The following RP1L1 variants were observed in gnomAD, a reference collection of about 807,000 sequenced individuals.
RP1L1 encodes RP1 like 1, also known as retinitis pigmentosa 1-like 1 protein.
Under a neutral mutation model 15.7 loss-of-function variants are expected in RP1L1, and 27 were observed. The observed-to-expected ratio is 1.72, with a 90% CI of 1.27 to 2.38. The LOEUF is 2.38. Among genes scored for constraint, RP1L1 ranks in the 30% most tolerant of loss-of-function variants. The pLI is 0.00. For synonymous variants in RP1L1, 1,813 were observed against 1,276.7 expected, an observed-to-expected ratio of 1.42 and a Z score of -8.96; for missense variants, 4,798 against 3,075.9, an observed-to-expected ratio of 1.56 and a Z score of -13.24.
At chr8:10,620,971 A>T (rs2117221831) in intron 2 of RP1L1, 1 of 152,400 alleles carries the variant, frequency 6.6e-6, no homozygotes, top group Non-Finnish European at 1.5e-5. Context: ...ACAGAGGAAC[A>T]GGGAGTGGAG....
chr8:10,654,083 G>T (rs567727941), intron 1 of RP1L1, among the ~76,000 whole-genome samples: 1 of 152,166 alleles, frequency 6.6e-6, no homozygotes, highest in African/African-American at 2.4e-5. Context: ...AGCCGCGCTG[G>T]ACCTCGTCTG....
In RP1L1 at chr8:10,618,527, C is replaced by G. The variant is rs745532122; in HGVS notation, c.610-1940G>C. On this transcript the variant is annotated intron_variant, in intron 2 of 3. Transcript: ENST00000382483. ...ATCTCAAAAACAAAGAGCAAACAAA[C>G]AAACAAACAAAAAAATTAGCCAGGC... 1.3e-5 allele frequency among the ~76,000 whole-genome samples: 2 copies of G among 151,770 alleles called. 1 individual carries two copies. The highest frequency in any genetic ancestry group is 2.9e-5 in the Non-Finnish European group (2 of 67,954).
intron 1 of RP1L1, among the ~76,000 whole-genome samples, chr8:10,637,864 C>A (rs950509551): frequency 6.6e-6 from 1 of 152,124 alleles, no homozygotes; most frequent in African/African-American, 2.4e-5. Flanking sequence ...TGAAAGGAAA[C>A]ACAAACTCCA....
chr8:10,642,979 T>C (rs886237158), intron 1 of RP1L1, among the ~76,000 whole-genome samples: 2 of 152,188 alleles, frequency 1.3e-5, no homozygotes, highest in East Asian at 1.9e-4. Context: ...TAGCTGTGGA[T>C]GTTTTCCTAT....
chr8:10,617,513 T>C (rs1185929526), intron 2 of RP1L1, among the ~76,000 whole-genome samples: 2 of 149,650 alleles, frequency 1.3e-5, no homozygotes, highest in African/African-American at 4.9e-5. Flanking sequence ...ATTAGAAGTT[T>C]GTTTTTGTTT....
At chr8:10,652,976 A>C (rs1212613790) in intron 1 of RP1L1, among the ~76,000 whole-genome samples, 1 of 152,180 alleles carries the variant, frequency 6.6e-6, no homozygotes, top group Non-Finnish European at 1.5e-5. Flanking sequence ...CCAGTGCCTC[A>C]GGCCACTGTT....
chr8:10,631,437 A>C, intron 1 of RP1L1, among the ~76,000 whole-genome samples: 1 of 149,926 alleles, frequency 6.7e-6, no homozygotes, highest in South Asian at 2.1e-4. Context: ...GCGCGCACAC[A>C]CACGCACACA....
Position 10,610,197 on chromosome 8 carries a change from C to A in RP1L1, c.3901G>T (p.Val1301Leu), listed in dbSNP as rs1233511242. 6 of 1,605,526 alleles carry A rather than the reference C, an allele frequency of 3.7e-6. No homozygotes were observed. The highest frequency in any genetic ancestry group is 5.1e-6 in the Non-Finnish European group (6 of 1,176,418). ...QLAENTVQEEVQLEETKEGTE... is the reference protein window; with the variant it reads ...QLAENTVQEELQLEETKEGTE... ...CCTTCTTTAGTTTCCTCTAATTGCACCTCTTCTTGCACTGTGTTTTCAGCT... is the reference window on the plus strand; with the variant it reads ...CCTTCTTTAGTTTCCTCTAATTGCAACTCTTCTTGCACTGTGTTTTCAGCT... The change falls in exon 4 of 4, where the codon GTG becomes TTG. Residue 1301 changes from valine (V) to leucine (L), a missense_variant. Physicochemically the swap from Val to Leu is conservative, Grantham distance 32. Coordinates refer to ENST00000382483, the MANE Select transcript of RP1L1 (RefSeq NM_178857.6).
chr8:10,618,461 C>A (rs138055276), intron 2 of RP1L1, among the ~76,000 whole-genome samples: 1 of 152,128 alleles, frequency 6.6e-6, no homozygotes, highest in African/African-American at 2.4e-5. Context: ...GAGCTAAGAT[C>A]GTGCCACTGC....
intron 1 of RP1L1, among the ~76,000 whole-genome samples, chr8:10,644,011 C>G (rs1391801954): frequency 1.3e-5 from 2 of 151,930 alleles, no homozygotes; most frequent in Non-Finnish European, 2.9e-5. Context: ...CTTCCCGCAC[C>G]TGTCAACAAG....
At chr8:10,621,115 G>A (rs1191816903) in intron 2 of RP1L1, 1 of 152,158 alleles carries the variant, frequency 6.6e-6, no homozygotes, top group Non-Finnish European at 1.5e-5. Flanking sequence ...CTTAACATAG[G>A]GTACTTTGAT....
In RP1L1 at chr8:10,612,692, G is replaced by A. The variant is rs200517659; in HGVS notation, c.1406C>T (p.Ser469Phe). 6.2e-7 allele frequency: 1 copy of A among 1,603,262 alleles called. No individual in the cohort carries two copies. The highest frequency in any genetic ancestry group is 8.5e-7 in the Non-Finnish European group (1 of 1,178,246). ...TGLPEGSEPE[S>F]SCCPRTPEDG... ...CTCCGGGGTCCTGGGGCAGCAGGAG[G>A]ACTCTGGCTCCGAGCCCTCGGGGAG... The change falls in exon 4 of 4, where the codon TCC becomes TTC. Residue 469 changes from serine (S) to phenylalanine (F), a missense_variant. Transcript: ENST00000382483.
rs370081975 is a variant in RP1L1, at chr8:10,612,442, G to A, written c.1656C>T (p.Pro552=). The part of the protein sequence containing the change: ...HEGSSEWGGR[P]QGCPGKARAE... ...CCCTTGCCTTGCCTGGACAGCCCTG[G>A]GGCCGCCCACCCCATTCGCTGGATC... Residue 552 remains proline (P), a synonymous_variant, in exon 4 of 4, where the codon CCC becomes CCT. Coordinates refer to ENST00000382483, the MANE Select transcript of RP1L1 (RefSeq NM_178857.6). 1.2e-6 allele frequency: 2 copies of A among 1,612,532 alleles called. No individual in the cohort carries two copies. The highest frequency in any genetic ancestry group is 1.7e-6 in the Non-Finnish European group (2 of 1,180,002).
chr8:10,624,317 G>A (rs1563132255), intron 1 of RP1L1, among the ~76,000 whole-genome samples: 1 of 152,154 alleles, frequency 6.6e-6, no homozygotes, highest in African/African-American at 2.4e-5. Context: ...ATTCCAATGT[G>A]ACAAACAGAC....
intron 1 of RP1L1, among the ~76,000 whole-genome samples, chr8:10,638,640 C>T (rs1798364265): frequency 6.6e-6 from 1 of 152,096 alleles, no homozygotes; most frequent in Non-Finnish European, 1.5e-5. Flanking sequence ...ACTTGATCTA[C>T]TTGATATATA....
rs1175808170 is a variant in RP1L1, at chr8:10,609,696, G to A, written c.4402C>T (p.Gln1468Ter). 3.1e-6 allele frequency: 5 copies of A among 1,613,240 alleles called. No homozygotes were observed. Among genetic ancestry groups the A allele is most frequent in the Non-Finnish European group, 4.2e-6 (5 of 1,179,996 alleles). ...CCAGGCTCAAGCTGGGAGCCACTCT[G>A]CCTCTCGCTGGCACTTGGGTCCGTC... ...SETDPSASER[Q>*]SGSQLEPGLE... Residue 1468 changes from glutamine to a stop codon, truncating the protein, a stop_gained, in exon 4 of 4, where the codon CAG (glutamine) becomes TAG (stop). Transcript: ENST00000382483. LOFTEE classifies it low-confidence loss of function (END_TRUNC).
intron 1 of RP1L1, among the ~76,000 whole-genome samples, chr8:10,637,154 G>A (rs1798341738): frequency 6.6e-6 from 1 of 152,164 alleles, no homozygotes. Context: ...AGCCTTCCTG[G>A]TCAGGTTCCC....
intron 1 of RP1L1, among the ~76,000 whole-genome samples, chr8:10,648,578 C>A (rs75167482): frequency 6.6e-6 from 1 of 152,120 alleles, no homozygotes; most frequent in African/African-American, 2.4e-5. Context: ...TCACGAGGAA[C>A]AATGGGGCAG....
chr8:10,650,128 A>C (rs1798536724), intron 1 of RP1L1, among the ~76,000 whole-genome samples: 1 of 152,172 alleles, frequency 6.6e-6, no homozygotes, highest in Non-Finnish European at 1.5e-5. Flanking sequence ...GGGGATTGTC[A>C]CGTGTGTATG....
Sources: gnomAD v4.1 joint callset for allele counts (sites outside exome capture counted in the v4.1 genomes callset) on GRCh38, gnomAD v4.1.1 for gene constraint, MANE v1.5 for transcripts, NCBI Gene and HGNC (gene_info 2026-07-23, HGNC 2026-07-21) for gene names.